Variants in ABCA2 observed in about 807,000 individuals in gnomAD.
ABCA2 encodes the protein ATP-binding cassette sub-family A member 2.
In ABCA2, 84 loss-of-function variants were observed where a neutral mutation model predicts 262.8. The ratio of observed to expected loss-of-function variants is 0.32; its 90% CI spans 0.27 to 0.38. The LOEUF (loss-of-function observed/expected upper bound fraction) is 0.38, where lower values mean the gene tolerates loss of function less well. ABCA2 is among the 10% of genes least tolerant of loss of function. The probability of loss-of-function intolerance (pLI) is 1.00; values close to 1 mark genes in which losing one functional copy is unlikely to be tolerated. For synonymous variants in ABCA2, 1,696 were observed against 1,502.9 expected (o/e 1.13, Z -2.97); for missense variants, 2,662 against 3,405.9 (o/e 0.78, Z 5.44).
intron 9 of ABCA2, 91 bp downstream of exon 9, chr9:137,020,603 A>C: frequency 6.4e-7 from 1 of 1,556,746 alleles, no homozygotes; most frequent in Non-Finnish European, 8.6e-7. Context: ...CAGGGCGCCA[A>C]ATGAGACCTC....
In ABCA2 at chr9:137,020,401, T is replaced by C. The variant is rs768996760; in HGVS notation, c.1360A>G (p.Met454Val). The change falls in exon 10 of 49, where the codon ATG (methionine) becomes GTG (valine). Residue 454 changes from methionine (M) to valine (V), a missense_variant. Met to Val is a conservative substitution (Grantham distance 21). This residue lies in a region of ABCA2 where 92 missense variants were observed against 146.7 expected (regional missense o/e 0.63). Transcript: ENST00000341511. ...QRNLGLLVHL[M>V]TSNPKILYAP... is the part of the protein sequence containing the mutation. ...TACAGGATTTTGGGGTTGCTGGTCA[T>C]GAGGTGCACGAGGAGGCCCAGGTTC... 2 of 1,613,050 alleles carry C rather than the reference T, an allele frequency of 1.2e-6. No homozygotes were observed. Among genetic ancestry groups the C allele is most frequent in the South Asian group, 1.1e-5 (1 of 91,080 alleles).
Position 137,014,260 on chromosome 9 carries a change from C to T in ABCA2, c.4148G>A (p.Arg1383His), listed in dbSNP as rs772864842. The T allele has an allele frequency of 2.7e-5, 44 of 1,610,822 alleles. No homozygotes were observed. Among genetic ancestry groups the T allele is most frequent in the Middle Eastern group, 1.6e-4 (1 of 6,082 alleles). ...LQSASSVGSA[R>H]GDEGAGYTDV... is the part of the protein sequence containing the mutation. The stretch of plus-strand genomic sequence containing the variant: ...GGTGTAGCCAGCTCCCTCGTCGCCA[C>T]GGGCAGAGCCCACAGATGACGCCGA... Residue 1383 changes from arginine (R) to histidine (H), a missense_variant, in exon 27 of 49, where the codon CGT becomes CAT. Coordinates refer to ENST00000341511, the MANE Select transcript of ABCA2 (RefSeq NM_001606.5).
rs756596445 is a variant in ABCA2 at position 137,023,021 on chromosome 9, G to A, written c.195C>T (p.Ala65=). ...GCGATTGCATGACAGGCAGGATGCCGGCAGACGTCAGGGGCGCCGCTGTGT... is the reference window on the plus strand; with the variant it reads ...GCGATTGCATGACAGGCAGGATGCCAGCAGACGTCAGGGGCGCCGCTGTGT... The part of the protein sequence containing the change: ...SFYTAAPLTS[A]GILPVMQSLC... Residue 65 remains alanine (A), a synonymous_variant, in exon 4 of 49, where the codon GCC becomes GCT. Transcript: ENST00000341511. 1.9e-5 allele frequency: 30 copies of A among 1,593,602 alleles called. No homozygotes were observed. Among genetic ancestry groups the A allele is most frequent in the East Asian group, 2.3e-5 (1 of 43,950 alleles).
At chr9:137,026,688 A>T (rs564684706) in intron 1 of ABCA2, among the ~76,000 whole-genome samples, 10 of 151,870 alleles carry the variant, frequency 6.6e-5, no homozygotes, top group Non-Finnish European at 1.5e-4. Context: ...CATAGGCCAC[A>T]CTCCCTTCCC....
At position 137,014,149 on chromosome 9, in the gene ABCA2, C is replaced by T. The variant is rs977607055; in HGVS notation, c.4240+19G>A. 5 of 1,602,168 alleles carry T rather than the reference C, an allele frequency of 3.1e-6. No individual in the cohort carries two copies. The highest frequency in any genetic ancestry group is 1.7e-4 in the Middle Eastern group (1 of 6,042). ...GCTCCCCCTCCCTTGCTGTCCCAGC[C>T]TCACCCTGCCACCCCCACCTTGCAG... On this transcript the variant is annotated intron_variant, in intron 27 of 48. Transcript: ENST00000341511.
chr9:137,012,279 T>A lies in ABCA2; in HGVS notation c.5285A>T (p.Asn1762Ile), dbSNP rs1039643047. Residue 1762 changes from asparagine to isoleucine, a missense_variant, in exon 33 of 49, where the codon AAC (asparagine) becomes ATC (isoleucine). By Grantham distance (149) the Asn-to-Ile change is moderately radical. This residue lies in a region of ABCA2 where 602 missense variants were observed against 897.4 expected (regional missense o/e 0.67). Coordinates refer to ENST00000341511, the MANE Select transcript of ABCA2 (RefSeq NM_001606.5). ...TGTCAGCTCACCGTAAGCCGCCGGGTTGCCCTTGCTCTTGGGCAGGTTGGC... is the reference window on the plus strand; with the variant it reads ...TGTCAGCTCACCGTAAGCCGCCGGGATGCCCTTGCTCTTGGGCAGGTTGGC... ...LRANLPKSKGNPAAYGITVTN... is the reference protein window; with the variant it reads ...LRANLPKSKGIPAAYGITVTN... 1 of 1,352,014 alleles carries A rather than the reference T, an allele frequency of 7.4e-7. No homozygotes were observed. The allele number at this position is 1,352,014 out of a possible 1,614,324, so 83.8% of individuals were successfully genotyped here. A position where few individuals can be genotyped will look rare whatever the true frequency, so the allele number is the denominator to read the frequency against.
At chr9:137,008,161 C>A in intron 48 of ABCA2, 197 bp from the exon 49 acceptor site, 3 of 818,724 alleles carry the variant, frequency 3.7e-6, no homozygotes, top group Non-Finnish European at 6.0e-6. Context: ...TACATCGGTC[C>A]CCTGTTCCCC....
intron 26 of ABCA2, 33 bp downstream of exon 26, chr9:137,014,657 G>C: frequency 6.3e-7 from 1 of 1,593,748 alleles, no homozygotes; most frequent in Non-Finnish European, 8.5e-7. Context: ...CTTGTGGGTG[G>C]GGTGGGCTGA....
Position 137,007,491 on chromosome 9 carries a change from G to C in ABCA2, c.*438C>G, listed in dbSNP as rs1379439471. The C allele has an allele frequency of 1.1e-5, 2 of 186,932 alleles. No homozygotes were observed. The highest frequency in any genetic ancestry group is 1.7e-4 in the South Asian group (2 of 11,438). 11.6% of individuals were successfully genotyped at this position (186,932 alleles called of 1,614,324 possible). The stretch of plus-strand genomic sequence containing the variant: ...AGGGCCAGAGGAGCCTCTTCTCAAA[G>C]CAAAATAAATACGGGACTGACCCAG... On this transcript the variant is annotated 3_prime_UTR_variant, in exon 49 of 49. Transcript: ENST00000341511.
At position 137,014,076 on chromosome 9, in the gene ABCA2, G is replaced by C. The variant is rs563411199; in HGVS notation, c.4241-38C>G. On this transcript the variant is annotated intron_variant, in intron 27 of 48. Coordinates refer to ENST00000341511, the MANE Select transcript of ABCA2 (RefSeq NM_001606.5). ...GTAGAGGCTGAGCAGGTGGTTGCAC[G>C]CTACCCTCTCCCTACTGGCTGCCCT... 1.4e-5 allele frequency: 22 copies of C among 1,600,514 alleles called. No homozygotes were observed. In the African/African-American group the frequency reaches 2.8e-4, roughly 20 times the overall value.
At chr9:137,018,673 G>A (rs762216482) in intron 13 of ABCA2, 46 bp downstream of exon 13, 1 of 1,336,384 alleles carries the variant, frequency 7.5e-7, no homozygotes, top group Non-Finnish European at 9.9e-7. Context: ...GGCTGGGGAG[G>A]AAGAGGTCTG....
Position 137,021,957 on chromosome 9 carries a change from CTG to C in ABCA2, c.610_611del (p.Gln204ValfsTer51). 6.2e-7 allele frequency: 1 copy of C among 1,603,738 alleles called. No individual in the cohort carries two copies. The highest frequency in any genetic ancestry group is 1.1e-5 in the South Asian group (1 of 89,494). On this transcript the variant is annotated frameshift_variant, in exon 7 of 49. Coordinates refer to ENST00000341511, the MANE Select transcript of ABCA2 (RefSeq NM_001606.5). LOFTEE classifies it high-confidence loss of function. The surrounding 1 kb of genome is among the most constrained non-coding windows in gnomAD (Gnocchi z 6.0). ...LFGPSSALDSQSGLHKGQEPW... is the reference protein window; with the variant it reads ...LFGPSSALDSXSGLHKGQEPW... ...GCTCCTGACCCTTGTGGAGGCCAGA[CTG>C]TGAATCCAGGGCAGATGAGGGACCA... is the stretch of plus-strand genomic sequence containing the variant.
chr9:137,026,948 C>G (rs2131477866), intron 1 of ABCA2, among the ~76,000 whole-genome samples: 1 of 152,384 alleles, frequency 6.6e-6, no homozygotes, highest in South Asian at 2.1e-4. Context: ...GGCTCCCCGC[C>G]AAGGCCAGGT....
intron 39 of ABCA2, 106 bp from the exon 40 acceptor site, chr9:137,010,843 G>A: frequency 7.0e-7 from 1 of 1,423,144 alleles, no homozygotes; most frequent in Non-Finnish European, 9.7e-7. Context: ...GGGTGGGCAG[G>A]CCCCTCTGCT....
At position 137,021,664 on chromosome 9, in the gene ABCA2, A is replaced by C; in HGVS notation, c.679-54T>G. On this transcript the variant is annotated intron_variant, in intron 7 of 48. Transcript: ENST00000341511. The surrounding 1 kb of genome is among the most constrained non-coding windows in gnomAD (Gnocchi z 6.0). ...CACGGCAAGGACTTTGTCCCCAACC[A>C]CTAGGGCCTCAGGCCTCACCCTGCC... The C allele has an allele frequency of 6.6e-7, 1 of 1,515,424 alleles. No homozygotes were observed. The highest frequency in any genetic ancestry group is 1.2e-5 in the South Asian group (1 of 82,780). The allele number at this position is 1,515,424 out of a possible 1,614,324, so 93.9% of individuals were successfully genotyped here.
rs748088489 is a variant in ABCA2 at position 137,020,869 on chromosome 9, C to T, written c.1090G>A (p.Ala364Thr). The T allele has an allele frequency of 3.2e-5, 49 of 1,546,652 alleles. No individual in the cohort carries two copies. The highest frequency in any genetic ancestry group is 4.3e-5 in the Non-Finnish European group (49 of 1,144,398). ...GRTPGPPASG[A>T]GGAANGTGAG... ...CCAGTGCCATTGGCCGCCCCACCCGCACCACTGGCTGGGGGTCCGGGGGTC... is the reference window on the plus strand; with the variant it reads ...CCAGTGCCATTGGCCGCCCCACCCGTACCACTGGCTGGGGGTCCGGGGGTC... Residue 364 changes from alanine to threonine, a missense_variant, in exon 9 of 49, where the codon GCG (alanine) becomes ACG (threonine). Ala to Thr is a moderately conservative substitution (Grantham distance 58). Around this residue, in one of 12 missense-constraint regions of ABCA2, gnomAD observed 403 missense variants for 375.9 expected, o/e 1.07. Transcript: ENST00000341511.
chr9:137,011,185 C>T lies in ABCA2; in HGVS notation c.5923+1G>A. 6.2e-7 allele frequency: 1 copy of T among 1,612,526 alleles called. No individual in the cohort carries two copies. The highest frequency in any genetic ancestry group is 8.5e-7 in the Non-Finnish European group (1 of 1,179,834). ...CTTCCCCGCCCCACGGGCCCCCTCACCAATCTTGGCGTAGTACTCGTTGAT... is the reference window on the plus strand; with the variant it reads ...CTTCCCCGCCCCACGGGCCCCCTCATCAATCTTGGCGTAGTACTCGTTGAT... On this transcript the variant is annotated splice_donor_variant, in intron 38 of 48. Transcript: ENST00000341511. LOFTEE classifies it high-confidence loss of function. The surrounding 1 kb of genome is among the most constrained non-coding windows in gnomAD (Gnocchi z 8.8).
chr9:137,012,630 CAGTGAGGCTAGAGGGG>C (rs1285585981), intron 31 of ABCA2, 40 bp from the exon 32 acceptor site: 24 of 1,610,030 alleles, frequency 1.5e-5, no homozygotes, highest in Non-Finnish European at 2.0e-5. Context: ...GCTAGGCAGG[CAGTGAGGCTAGAGGGG>C]CAGGAGTTGA....
At position 137,017,812 on chromosome 9, in the gene ABCA2, G is replaced by A. The variant is rs769488033; in HGVS notation, c.2186C>T (p.Ala729Val). ...SVAMTIQHIVAEKEHRLKEVM... is the reference protein window; with the variant it reads ...SVAMTIQHIVVEKEHRLKEVM... ...CTCCTTGAGCCGGTGCTCCTTCTCC[G>A]CCACGATGTGCTGGATGGTCATGGC... The change falls in exon 16 of 49, where the codon GCG becomes GTG. Residue 729 changes from alanine to valine, a missense_variant. Ala to Val is a moderately conservative substitution (Grantham distance 64, BLOSUM62 0). Transcript: ENST00000341511. The A allele has an allele frequency of 1.9e-6, 3 of 1,612,506 alleles. No individual in the cohort carries two copies. Among genetic ancestry groups the A allele is most frequent in the South Asian group, 2.2e-5 (2 of 91,082 alleles).
Sources: gnomAD v4.1 joint callset for allele counts (sites outside exome capture counted in the v4.1 genomes callset) on GRCh38, gnomAD v4.1.1 for gene constraint, gnomAD v4.1.1 regional missense constraint, Gnocchi (gnomAD v3.1) non-coding constraint, MANE v1.5 for transcripts, NCBI Gene and HGNC (gene_info 2026-07-23, HGNC 2026-07-21) for gene names.